The following EYS variants were observed in gnomAD, a reference collection of about 807,000 sequenced individuals.
EYS encodes the protein protein eyes shut homolog.
Under a neutral mutation model 282.1 loss-of-function variants are expected in EYS, and 250 were observed. The ratio of observed to expected loss-of-function variants is 0.89; its 90% CI spans 0.80 to 0.98. The LOEUF is 0.98. Among genes scored for constraint, EYS ranks in the 50% least tolerant of loss-of-function variants. The probability of loss-of-function intolerance (pLI) is 0.00; values close to 1 mark genes in which losing one functional copy is unlikely to be tolerated. For synonymous variants in EYS, 1,355 were observed against 1,282.9 expected (o/e 1.06, Z -1.20); for missense variants, 4,016 against 3,709.0 (o/e 1.08, Z -2.15).
chr6:64,947,877 C>T (rs1769343411), intron 14 of EYS, among the ~76,000 whole-genome samples: 1 of 151,656 alleles, frequency 6.6e-6, no homozygotes, highest in Admixed American at 6.6e-5. Context: ...TGAAATTTCT[C>T]ATATTATGGG....
chr6:64,621,658 T>C (rs1556629), intron 23 of EYS, among the ~76,000 whole-genome samples: 50,832 of 152,134 alleles, frequency 0.33, 9,126 homozygotes, highest in East Asian at 0.5. Flanking sequence ...AGATATTATC[T>C]ATGTTTGTTT....
intron 12 of EYS, among the ~76,000 whole-genome samples, chr6:65,265,493 TGTGAA>T (rs1261504159): frequency 7.2e-5 from 11 of 152,032 alleles, no homozygotes; most frequent in Non-Finnish European, 1.3e-4. Flanking sequence ...ACCTGGAACA[TGTGAA>T]TATGTCTATT....
At chr6:64,051,066 ATAGT>A in intron 33 of EYS, among the ~76,000 whole-genome samples, 1 of 152,126 alleles carries the variant, frequency 6.6e-6, no homozygotes, top group East Asian at 1.9e-4. Flanking sequence ...AATGTAGGGA[ATAGT>A]TAGGAAGGTG....
intron 22 of EYS, among the ~76,000 whole-genome samples, chr6:64,799,255 C>T (rs1170088074): frequency 1.3e-5 from 2 of 151,828 alleles, no homozygotes; most frequent in African/African-American, 4.8e-5. Flanking sequence ...TCTTTCTTTA[C>T]TTCCATTTTT....
Position 64,153,599 on chromosome 6 carries a change from C to T in EYS, c.6425-71597G>A, listed in dbSNP as rs79398264. On this transcript the variant is annotated intron_variant, in intron 31 of 42. Transcript: ENST00000503581. Reference sequence around the variant, plus strand: ...TTAGGGAAAGCAAGACAGATTAAAACAACTATGAAGTACCTTTTTACATTC... The same window carrying T: ...TTAGGGAAAGCAAGACAGATTAAAATAACTATGAAGTACCTTTTTACATTC... Among the ~76,000 whole-genome samples the T allele has an allele frequency of 2.6e-3, 395 of 152,274 alleles. 13 individuals carry two copies. The East Asian group carries it at 0.058, about 22-fold the overall frequency.
At chr6:65,558,333 C>A (rs1394051727) in intron 2 of EYS, among the ~76,000 whole-genome samples, 1 of 152,242 alleles carries the variant, frequency 6.6e-6, no homozygotes, top group Admixed American at 6.5e-5. Flanking sequence ...GTGTGCACAG[C>A]AGGCTGGCTT....
chr6:65,592,121 TC>T (rs1035007203), intron 2 of EYS, among the ~76,000 whole-genome samples: 10 of 152,056 alleles, frequency 6.6e-5, no homozygotes, highest in Admixed American at 2.6e-4. Context: ...GATCATTTTT[TC>T]AAAACACATT....
At chr6:65,494,067 G>A (rs966610510) in intron 4 of EYS, among the ~76,000 whole-genome samples, 11 of 152,030 alleles carry the variant, frequency 7.2e-5, no homozygotes, top group East Asian at 1.9e-4. Flanking sequence ...ATGTTTTAAT[G>A]TATGAGACGT....
intron 12 of EYS, among the ~76,000 whole-genome samples, chr6:65,092,157 C>A (rs1774592470): frequency 6.6e-6 from 1 of 151,948 alleles, no homozygotes; most frequent in Admixed American, 6.6e-5. Context: ...ATTTTTGGTT[C>A]TTTCATGAAA....
At chr6:64,176,499 T>TTGTGTG (rs111683045) in intron 31 of EYS, among the ~76,000 whole-genome samples, 14 of 147,064 alleles carry the variant, frequency 9.5e-5, no homozygotes, top group East Asian at 2.0e-4. Flanking sequence ...CATATCACGA[T>TTGTGTG]TGTGTGTGTG....
chr6:64,764,432 G>T (rs897970330), intron 22 of EYS, among the ~76,000 whole-genome samples: 4 of 152,224 alleles, frequency 2.6e-5, no homozygotes, highest in Non-Finnish European at 4.4e-5. Flanking sequence ...TGAAGCTGAA[G>T]CAGCTGTGCT....
chr6:65,246,909 C>T (rs1423099326), intron 12 of EYS, among the ~76,000 whole-genome samples: 1 of 151,928 alleles, frequency 6.6e-6, no homozygotes. Flanking sequence ...AAGTAACAAA[C>T]ATAAGGCTAA....
At chr6:64,502,784 T>C (rs952404944) in intron 26 of EYS, among the ~76,000 whole-genome samples, 4 of 152,230 alleles carry the variant, frequency 2.6e-5, no homozygotes, top group Admixed American at 6.5e-5. Context: ...TTAAAAATTA[T>C]ATTGTTTAAA....
chr6:64,860,065 C>A (rs1766187137), intron 19 of EYS, among the ~76,000 whole-genome samples: 1 of 152,150 alleles, frequency 6.6e-6, no homozygotes. Context: ...AACATATTGT[C>A]CCTTTTTTCT....
intron 42 of EYS, among the ~76,000 whole-genome samples, chr6:63,725,148 G>A (rs73441045): frequency 2.0e-5 from 3 of 152,166 alleles, no homozygotes; most frequent in African/African-American, 7.2e-5. Flanking sequence ...TTATATAAGT[G>A]TCAAATGCAG....
chr6:63,727,498 G>A (rs1321179405), intron 41 of EYS, among the ~76,000 whole-genome samples: 1 of 150,448 alleles, frequency 6.6e-6, no homozygotes, highest in Non-Finnish European at 1.5e-5. Context: ...ATTCAGAAGG[G>A]TAGAGGTTAG....
At chr6:64,515,933 C>T (rs905092564) in intron 26 of EYS, among the ~76,000 whole-genome samples, 21 of 151,632 alleles carry the variant, frequency 1.4e-4, no homozygotes, top group African/African-American at 5.1e-4. Flanking sequence ...AAGTAATTCC[C>T]ATATAATTTT....
At chr6:65,106,399 C>G (rs1775039213) in intron 12 of EYS, among the ~76,000 whole-genome samples, 1 of 151,806 alleles carries the variant, frequency 6.6e-6, no homozygotes, top group Admixed American at 6.6e-5. Context: ...CACGTAGTGC[C>G]CTTAAAAGAA....
chr6:64,715,100 T>A (rs1437376067), intron 22 of EYS, among the ~76,000 whole-genome samples: 1 of 151,820 alleles, frequency 6.6e-6, no homozygotes, highest in Non-Finnish European at 1.5e-5. Flanking sequence ...GGGTGAGATA[T>A]GGTTTTTGGG....
Sources: allele counts gnomAD v4.1 joint callset (sites outside exome capture counted in the v4.1 genomes callset), GRCh38; gene constraint gnomAD v4.1.1; transcripts MANE v1.5; gene names NCBI Gene and HGNC (gene_info 2026-07-23, HGNC 2026-07-21).